KPNA7: variants seen among roughly 807,000 people sequenced by gnomAD.
KPNA7 encodes the protein importin subunit alpha-8.
In KPNA7, 54 loss-of-function variants were observed where a neutral mutation model predicts 53.7. The ratio of observed to expected loss-of-function variants is 1.01; its 90% CI spans 0.81 to 1.26. KPNA7 has a LOEUF of 1.26. Among genes scored for constraint, KPNA7 ranks in the 50% most tolerant of loss-of-function variants. KPNA7 has a pLI of 0.00. For missense variants in KPNA7, 640 were observed against 644.5 expected, an observed-to-expected ratio of 0.99 and a Z score of 0.07; for synonymous variants, 276 against 259.3, an observed-to-expected ratio of 1.06 and a Z score of -0.62.
the KPNA7 span, among the ~76,000 whole-genome samples, chr7:99,163,514 G>A: frequency 1.9e-4 from 28 of 146,870 alleles, no homozygotes; most frequent in Admixed American, 5.6e-4. Flanking sequence ...TCAGCCTCCT[G>A]AGTAGCTGGG....
downstream of KPNA7, among the ~76,000 whole-genome samples, chr7:99,170,039 C>CA (rs1038467254): frequency 1.9e-4 from 28 of 151,120 alleles, no homozygotes; most frequent in East Asian, 1.4e-3. Context: ...AAGACTGTCT[C>CA]AAAAAAAAAT....
chr7:99,201,638 G>A (rs1790539767), intron 3 of KPNA7, among the ~76,000 whole-genome samples: 1 of 149,560 alleles, frequency 6.7e-6, no homozygotes, highest in Non-Finnish European at 1.5e-5. Flanking sequence ...ACTCCAGCCT[G>A]GGCGACAGAG....
At position 99,195,202 on chromosome 7, in the gene KPNA7, T is replaced by C. The variant is rs1328581485; in HGVS notation, c.421A>G (p.Ile141Val). Residue 141 changes from isoleucine (I) to valine (V), a missense_variant, in exon 5 of 11, where the codon ATC (isoleucine) becomes GTC (valine). By Grantham distance (29) the Ile-to-Val change is conservative. Coordinates refer to ENST00000327442, the MANE Select transcript of KPNA7 (RefSeq NM_001145715.3). ...GTCTGCTCCGAAGTCCCTGAAGCGA[T>C]GTTGGTCAGGGCCCAGGCAGCCTCA... ...QFEAAWALTNIASGTSEQTRA... is the reference protein window; with the variant it reads ...QFEAAWALTNVASGTSEQTRA... 1 of 1,551,616 alleles carries C rather than the reference T, an allele frequency of 6.4e-7. No individual in the cohort carries two copies. Among genetic ancestry groups the C allele is most frequent in the East Asian group, 2.4e-5 (1 of 40,896 alleles).
At position 99,186,450 on chromosome 7, in the gene KPNA7, C is replaced by A. The variant is rs564145391; in HGVS notation, c.901-1288G>T. Among the ~76,000 whole-genome samples the A allele has an allele frequency of 2.0e-5, 3 of 152,294 alleles. No homozygotes were observed. The East Asian group carries it at 5.8e-4, about 29-fold the overall frequency. On this transcript the variant is annotated intron_variant, in intron 7 of 10. Coordinates refer to ENST00000327442, the MANE Select transcript of KPNA7 (RefSeq NM_001145715.3). ...CCTTACCAGGGCAGCTCCAAATAGG[C>A]CCCAGAACCCGGGGGTAAGCAACTT...
At chr7:99,166,823 G>A in the KPNA7 span, among the ~76,000 whole-genome samples, 1 of 151,934 alleles carries the variant, frequency 6.6e-6, no homozygotes, top group Non-Finnish European at 1.5e-5. Flanking sequence ...GTTTCACCAT[G>A]TCGGCCAGGC....
upstream of KPNA7, among the ~76,000 whole-genome samples, chr7:99,212,426 T>C (rs1274358978): frequency 6.6e-6 from 1 of 151,820 alleles, no homozygotes; most frequent in Admixed American, 6.6e-5. Context: ...GTATTTTTTT[T>C]CTTTTTTTGG....
intron 3 of KPNA7, among the ~76,000 whole-genome samples, chr7:99,197,020 AAACAACAACAACAAC>A (rs139221110): frequency 7.3e-5 from 11 of 151,030 alleles, no homozygotes; most frequent in East Asian, 3.9e-4. Flanking sequence ...ATATGCTTAA[AAACAACAACAACAAC>A]AACAACAACA....
intron 5 of KPNA7, among the ~76,000 whole-genome samples, chr7:99,194,806 T>C (rs1045520831): frequency 6.6e-6 from 1 of 152,086 alleles, no homozygotes; most frequent in African/African-American, 2.4e-5. Context: ...GGTTTCACCA[T>C]GTTGGCCAGG....
chr7:99,174,093 C>G (rs559726219), intron 10 of KPNA7, among the ~76,000 whole-genome samples: 5 of 152,048 alleles, frequency 3.3e-5, no homozygotes, highest in Non-Finnish European at 5.9e-5. Context: ...GGCCAGCAAG[C>G]GAAGCTTCAT....
chr7:99,198,819 A>G lies in KPNA7; in HGVS notation c.202-2653T>C, dbSNP rs550486158. ...TAAAGTGCACCCAGATTGGAAAGGAAGAAATAAAACTATTTGCAAGTGACT... is the reference window on the plus strand; with the variant it reads ...TAAAGTGCACCCAGATTGGAAAGGAGGAAATAAAACTATTTGCAAGTGACT... On this transcript the variant is annotated intron_variant, in intron 3 of 10. Coordinates refer to ENST00000327442, the MANE Select transcript of KPNA7 (RefSeq NM_001145715.3). 3.5e-4 allele frequency among the ~76,000 whole-genome samples: 54 copies of G among 152,256 alleles called. 1 individual carries two copies. The highest frequency in any genetic ancestry group is 1.3e-3 in the African/African-American group (54 of 41,550).
intron 9 of KPNA7, among the ~76,000 whole-genome samples, chr7:99,179,386 G>GT (rs1313325310): frequency 1.3e-5 from 2 of 151,010 alleles, no homozygotes; most frequent in African/African-American, 2.5e-5. Flanking sequence ...GCAAGACCCT[G>GT]TCTCTGCTAA....
intron 6 of KPNA7, among the ~76,000 whole-genome samples, chr7:99,190,653 CTTTT>C (rs78243243): frequency 1.7e-5 from 2 of 120,798 alleles, no homozygotes; most frequent in South Asian, 3.0e-4. Flanking sequence ...GCCAGTAAAA[CTTTT>C]TTTTTTTTTT....
At chr7:99,208,645 A>T (rs1240283021), upstream of KPNA7, among the ~76,000 whole-genome samples, 2 of 151,968 alleles carry the variant, frequency 1.3e-5, no homozygotes, top group Non-Finnish European at 2.9e-5. Flanking sequence ...TGACCTTGTG[A>T]TCCACCCACC....
chr7:99,148,763 A>T, the KPNA7 span, among the ~76,000 whole-genome samples: 1 of 151,632 alleles, frequency 6.6e-6, no homozygotes, highest in Non-Finnish European at 1.5e-5. Context: ...ACCTGGCTAA[A>T]TTTTTTTATT....
chr7:99,173,080 A>AG (rs200666211), downstream of KPNA7, among the ~76,000 whole-genome samples: 30 of 148,016 alleles, frequency 2.0e-4, no homozygotes, highest in Middle Eastern at 3.5e-3. Flanking sequence ...AAAAAAAAAA[A>AG]AAAAGAAAAA....
At chr7:99,214,033 G>A (rs2150788694) in intron 1 of KPNA7, among the ~76,000 whole-genome samples, 1 of 152,278 alleles carries the variant, frequency 6.6e-6, no homozygotes, top group Middle Eastern at 3.4e-3. Flanking sequence ...ATTTCCCAAA[G>A]TTCCCATAAC....
intron 6 of KPNA7, among the ~76,000 whole-genome samples, 175 bp from the exon 7 acceptor site, chr7:99,188,738 T>TG (rs1789772873): frequency 6.6e-6 from 1 of 152,312 alleles, no homozygotes; most frequent in East Asian, 1.9e-4. Flanking sequence ...AGTGCAGTGA[T>TG]GCAATCTTGG....
downstream of KPNA7, among the ~76,000 whole-genome samples, chr7:99,172,494 C>G (rs991245644): frequency 6.6e-6 from 1 of 152,054 alleles, no homozygotes; most frequent in African/African-American, 2.4e-5. Flanking sequence ...GTGGGAGGAC[C>G]ATTTGAGGCC....
rs1791125480 is a variant in KPNA7, at chr7:99,213,424, G to C, written c.-23-5935C>G. 3.5e-5 allele frequency among the ~76,000 whole-genome samples: 4 copies of C among 113,282 alleles called. No homozygotes were observed. The South Asian group carries it at 1.3e-3, about 37-fold the overall frequency. The allele number at this position is 113,282 out of a possible 152,430, so 74.3% of individuals were successfully genotyped here. ...TTACATGTGTGAGCCACTGCACCTGGCCTTTTAAAAAAAAAAAAAAAAAAA... is the reference window on the plus strand; with the variant it reads ...TTACATGTGTGAGCCACTGCACCTGCCCTTTTAAAAAAAAAAAAAAAAAAA... On this transcript the variant is annotated intron_variant, in intron 1 of 10. Transcript: ENST00000681060.
Sources: gnomAD v4.1 joint callset for allele counts (sites outside exome capture counted in the v4.1 genomes callset) on GRCh38, gnomAD v4.1.1 for gene constraint, MANE v1.5 for transcripts, NCBI Gene and HGNC (gene_info 2026-07-23, HGNC 2026-07-21) for gene names.